Variants in NBEA observed in about 807,000 individuals in gnomAD.
The protein encoded by NBEA is lysosomal-trafficking regulator 2.
NBEA carries 44 observed loss-of-function variants against 343.4 expected under a neutral mutation model. The observed-to-expected ratio is 0.13, with a 90% CI of 0.10 to 0.16. NBEA has a LOEUF of 0.16. Among genes scored for constraint, NBEA ranks in the 10% least tolerant of loss-of-function variants. NBEA has a pLI of 1.00. For missense variants in NBEA, 2,555 were observed against 3,631.3 expected, an observed-to-expected ratio of 0.70 and a Z score of 7.62; for synonymous variants, 1,175 against 1,238.7, an observed-to-expected ratio of 0.95 and a Z score of 1.08.
intron 35 of NBEA, among the ~76,000 whole-genome samples, chr13:35,308,522 GTA>G (rs1306462568): frequency 0.01 from 927 of 92,254 alleles, 20 homozygotes; most frequent in African/African-American, 0.032. Flanking sequence ...GTGTATATAT[GTA>G]TATATATGTA....
chr13:35,291,938 T>A lies in NBEA; in HGVS notation c.5838+1488T>A, dbSNP rs369855075. Among the ~76,000 whole-genome samples, 69 of 152,114 alleles carry A rather than the reference T, an allele frequency of 4.5e-4. 1 individual carries two copies. In the South Asian group the frequency reaches 0.014, roughly 31 times the overall value. On this transcript the variant is annotated intron_variant, in intron 35 of 58. Coordinates refer to ENST00000379939, the MANE Select transcript of NBEA (RefSeq NM_001385012.1). ...TGTAAACACACCTCTCGATTTGATT[T>A]TTAAGTTGAATTTTTAAAATAATTC...
chr13:34,969,419 A>G (rs2059928817), intron 1 of NBEA, among the ~76,000 whole-genome samples: 3 of 151,552 alleles, frequency 2.0e-5, no homozygotes, highest in Non-Finnish European at 2.9e-5. Context: ...TCAGGGGTAC[A>G]TGTACAGGTA....
intron 1 of NBEA, among the ~76,000 whole-genome samples, chr13:34,966,607 A>G (rs1226735808): frequency 4.1e-5 from 6 of 145,382 alleles, no homozygotes; most frequent in Non-Finnish European, 3.0e-5. Context: ...TATGTTACAT[A>G]TCTCTGAGCC....
chr13:34,999,866 C>T (rs752376252), intron 1 of NBEA, among the ~76,000 whole-genome samples: 1 of 152,098 alleles, frequency 6.6e-6, no homozygotes, highest in Non-Finnish European at 1.5e-5. Context: ...CATTCTATTT[C>T]AAAGCCCAGA....
chr13:35,634,161 G>A (rs148335474), intron 49 of NBEA, among the ~76,000 whole-genome samples: 312 of 152,194 alleles, frequency 2.1e-3, no homozygotes, highest in Middle Eastern at 6.8e-3. Flanking sequence ...TGGCTAACAC[G>A]GTGAAACCCC....
intron 34 of NBEA, among the ~76,000 whole-genome samples, chr13:35,246,999 A>G (rs2031300124): frequency 6.6e-6 from 1 of 152,040 alleles, no homozygotes; most frequent in Non-Finnish European, 1.5e-5. Context: ...TCCCAGCTCA[A>G]TGGTGTTATG....
At chr13:35,526,748 G>T (rs2077994053) in intron 41 of NBEA, among the ~76,000 whole-genome samples, 1 of 152,218 alleles carries the variant, frequency 6.6e-6, no homozygotes, top group Non-Finnish European at 1.5e-5. Flanking sequence ...GGTGAAGAAT[G>T]TGTGAGCGAG....
chr13:35,116,597 A>G (rs914734385), intron 13 of NBEA, among the ~76,000 whole-genome samples: 1 of 152,136 alleles, frequency 6.6e-6, no homozygotes, highest in African/African-American at 2.4e-5. Flanking sequence ...TCATGTAAAT[A>G]TTAAGTGAAT....
intron 34 of NBEA, among the ~76,000 whole-genome samples, chr13:35,253,313 C>A (rs920927486): frequency 2.0e-5 from 3 of 152,156 alleles, no homozygotes; most frequent in Non-Finnish European, 4.4e-5. Context: ...ACCACTTTTC[C>A]AAAAACGTGC....
At chr13:35,486,120 A>G (rs141673006) in intron 41 of NBEA, among the ~76,000 whole-genome samples, 2,231 of 152,192 alleles carry the variant, frequency 0.015, 66 homozygotes, top group African/African-American at 0.05. Context: ...GTACAAGCCT[A>G]GCCTGTCCCA....
intron 38 of NBEA, among the ~76,000 whole-genome samples, chr13:35,353,225 C>G (rs2040290750): frequency 6.6e-6 from 1 of 152,108 alleles, no homozygotes; most frequent in Non-Finnish European, 1.5e-5. Context: ...CACCTGAGGT[C>G]AGGAGTTTGA....
intron 45 of NBEA, among the ~76,000 whole-genome samples, chr13:35,582,544 T>C (rs2153037517): frequency 6.6e-6 from 1 of 152,302 alleles, no homozygotes; most frequent in Admixed American, 6.5e-5. Context: ...TCTAAATTTT[T>C]ATACTGTCAT....
chr13:35,197,802 A>G (rs2072730627), intron 31 of NBEA, among the ~76,000 whole-genome samples: 1 of 152,124 alleles, frequency 6.6e-6, no homozygotes. Context: ...ACCTGGCCGA[A>G]TTACCCTTTT....
At chr13:35,352,042 ATTAT>A in intron 37 of NBEA, 111 bp from the exon 38 acceptor site, 1 of 512,464 alleles carries the variant, frequency 2.0e-6, no homozygotes, top group Non-Finnish European at 3.1e-6. Context: ...AAAAGATTAC[ATTAT>A]TTGAGTTTTA....
Position 35,440,126 on chromosome 13 carries a change from C to G in NBEA, c.6304+7733C>G, listed in dbSNP as rs527809347. 9.2e-5 allele frequency among the ~76,000 whole-genome samples: 14 copies of G among 152,312 alleles called. No homozygotes were observed. In the South Asian group the frequency reaches 2.3e-3, roughly 25 times the overall value. On this transcript the variant is annotated intron_variant, in intron 39 of 58. Transcript: ENST00000379939. ...AACTCTTGACCTTAGGTGATCCACC[C>G]GTCTTGGCCTCCCAAAGTGCTGGGG...
chr13:35,592,092 G>A (rs1480342991), intron 46 of NBEA, among the ~76,000 whole-genome samples: 2 of 152,070 alleles, frequency 1.3e-5, no homozygotes, highest in African/African-American at 4.8e-5. Flanking sequence ...AGAACTCCCA[G>A]TGTGAGAACT....
At chr13:35,666,630 A>G (rs2085369718) in intron 56 of NBEA, among the ~76,000 whole-genome samples, 1 of 152,216 alleles carries the variant, frequency 6.6e-6, no homozygotes, top group Non-Finnish European at 1.5e-5. Flanking sequence ...CACGTAATTC[A>G]TACATTGTTT....
chr13:35,222,084 T>C (rs762086828), intron 33 of NBEA, among the ~76,000 whole-genome samples: 1 of 152,164 alleles, frequency 6.6e-6, no homozygotes, highest in African/African-American at 2.4e-5. Context: ...TATATAGTTA[T>C]TGTGTTTATG....
At chr13:35,576,361 A>G (rs1446649055) in intron 45 of NBEA, among the ~76,000 whole-genome samples, 5 of 151,902 alleles carry the variant, frequency 3.3e-5, no homozygotes, top group African/African-American at 1.2e-4. Context: ...AAAGAGATCT[A>G]CCCACCTTGG....
Sources: gnomAD v4.1 joint callset for allele counts (sites outside exome capture counted in the v4.1 genomes callset) on GRCh38, gnomAD v4.1.1 for gene constraint, MANE v1.5 for transcripts, NCBI Gene and HGNC (gene_info 2026-07-23, HGNC 2026-07-21) for gene names.